Variants in ADGRL2 observed in about 807,000 individuals in gnomAD.
ADGRL2 encodes the protein adhesion G protein-coupled receptor L2.
In ADGRL2, 44 loss-of-function variants were observed where a neutral mutation model predicts 157.4. The observed-to-expected ratio is 0.28, with a 90% CI of 0.22 to 0.36. The LOEUF (loss-of-function observed/expected upper bound fraction) is 0.36. Ranked by LOEUF, ADGRL2 falls within the 10% of genes least tolerant of loss-of-function variation. The pLI, the probability that ADGRL2 is intolerant of heterozygous loss-of-function variation, is 1.00. For synonymous variants in ADGRL2, 585 were observed against 624.7 expected (o/e 0.94, Z 0.95); for missense variants, 1,510 against 1,768.9 (o/e 0.85, Z 2.63).
chr1:81,452,542 G>T (rs1571005604), intron 2 of ADGRL2, among the ~76,000 whole-genome samples: 1 of 152,132 alleles, frequency 6.6e-6, no homozygotes, highest in Non-Finnish European at 1.5e-5. Flanking sequence ...AAGCAAGCAG[G>T]ACTACTGACT....
At chr1:81,424,885 C>T (rs377579056) in intron 1 of ADGRL2, among the ~76,000 whole-genome samples, 49 of 152,294 alleles carry the variant, frequency 3.2e-4, no homozygotes, top group East Asian at 2.5e-3. Context: ...TTGGTTTCTT[C>T]GTGGGAGCAA....
At chr1:81,750,202 G>A (rs1049912654) in intron 1 of ADGRL2, among the ~76,000 whole-genome samples, 2 of 152,170 alleles carry the variant, frequency 1.3e-5, no homozygotes, top group African/African-American at 4.8e-5. Context: ...GCTGGGACAA[G>A]TAAGGTGGAA....
intron 1 of ADGRL2, among the ~76,000 whole-genome samples, chr1:81,386,531 C>T (rs543437453): frequency 1.7e-4 from 26 of 152,094 alleles, no homozygotes; most frequent in South Asian, 1.4e-3. Flanking sequence ...TCTAGAAGCA[C>T]GCATTGCCTT....
At chr1:81,330,364 A>G (rs1661189438) in intron 1 of ADGRL2, among the ~76,000 whole-genome samples, 1 of 152,154 alleles carries the variant, frequency 6.6e-6, no homozygotes, top group Non-Finnish European at 1.5e-5. Flanking sequence ...GTCATATCTG[A>G]TTAAAGAAAA....
Position 81,344,213 on chromosome 1 carries a change from C to T in ADGRL2, c.-302+37704C>T, listed in dbSNP as rs1055512978. 1.1e-4 allele frequency among the ~76,000 whole-genome samples: 16 copies of T among 152,222 alleles called. 1 individual carries two copies. The East Asian group carries it at 1.7e-3, about 17-fold the overall frequency. On this transcript the variant is annotated intron_variant, in intron 1 of 24. Coordinates refer to the ADGRL2 transcript ENST00000370721. ...CCTCCCAAATAGCTTGGATTACAGG[C>T]GCAACGTCACCACGCCCTAATTCGA...
intron 1 of ADGRL2, among the ~76,000 whole-genome samples, chr1:81,832,829 T>C (rs2092041184): frequency 6.6e-6 from 1 of 152,184 alleles, no homozygotes; most frequent in Non-Finnish European, 1.5e-5. Flanking sequence ...AAGGGTTTGC[T>C]TAGCTGACTT....
At chr1:81,549,200 T>TGAAG (rs2080087785) in intron 2 of ADGRL2, among the ~76,000 whole-genome samples, 4 of 152,332 alleles carry the variant, frequency 2.6e-5, no homozygotes, top group African/African-American at 7.2e-5. Context: ...ATCCATCAGT[T>TGAAG]ACCTACTGAA....
At chr1:81,731,204 T>G (rs2084712400) in intron 1 of ADGRL2, among the ~76,000 whole-genome samples, 1 of 152,222 alleles carries the variant, frequency 6.6e-6, no homozygotes, top group Non-Finnish European at 1.5e-5. Flanking sequence ...GTTTAATACA[T>G]TCTTAGAACA....
intron 2 of ADGRL2, among the ~76,000 whole-genome samples, chr1:81,553,647 C>CA (rs1171747271): frequency 2.0e-5 from 3 of 151,930 alleles, no homozygotes; most frequent in South Asian, 4.1e-4. Context: ...TTCTTTCAGC[C>CA]AAAAAAAGAC....
intron 1 of ADGRL2, chr1:81,723,034 T>G: frequency 1.3e-6 from 1 of 765,452 alleles, no homozygotes; most frequent in Non-Finnish European, 2.4e-6. Context: ...TTATGAATCT[T>G]ATCAGTAAAT....
chr1:81,426,619 T>C, intron 1 of ADGRL2: 2 of 477,040 alleles, frequency 4.2e-6, no homozygotes, highest in Admixed American at 4.5e-5. Flanking sequence ...AGAGAACATT[T>C]GGAAAAATGG....
At chr1:81,461,943 TG>T (rs2077940782) in intron 2 of ADGRL2, among the ~76,000 whole-genome samples, 1 of 59,060 alleles carries the variant, frequency 1.7e-5, no homozygotes, top group African/African-American at 6.9e-5. Context: ...GGGGGGGGGG[TG>T]GTGGAGAAAG....
intron 1 of ADGRL2, among the ~76,000 whole-genome samples, chr1:81,833,791 G>A (rs1395774574): frequency 6.6e-6 from 1 of 152,098 alleles, no homozygotes; most frequent in Non-Finnish European, 1.5e-5. Context: ...AAACGTTGAG[G>A]GCTGTTGGGA....
intron 1 of ADGRL2, among the ~76,000 whole-genome samples, chr1:81,718,088 C>T (rs1350681202): frequency 2.6e-5 from 4 of 152,136 alleles, no homozygotes; most frequent in South Asian, 2.1e-4. Flanking sequence ...GGTGCCATCT[C>T]GGCTCACTCC....
chr1:81,828,920 A>AT lies in ADGRL2; in HGVS notation c.-100-7957dup, dbSNP rs1033352363. ...AAATCTCCTCATATTTTTTTTTTTCATTTTTTTTGGGACGAAGTCTTGCTC... is the reference window on the plus strand; with the variant it reads ...AAATCTCCTCATATTTTTTTTTTTCATTTTTTTTTGGGACGAAGTCTTGCTC... On this transcript the variant is annotated intron_variant, in intron 1 of 23. Coordinates refer to ENST00000686636, the MANE Select transcript of ADGRL2 (RefSeq NM_001366006.2). Among the ~76,000 whole-genome samples the AT allele has an allele frequency of 1.8e-4, 25 of 141,398 alleles. No homozygotes were observed. In the South Asian group the frequency reaches 4.1e-3, roughly 23 times the overall value. 92.8% of individuals were successfully genotyped at this position (141,398 alleles called of 152,430 possible).
rs566300569 is a variant in ADGRL2, at chr1:81,528,795, T to C, written c.-247-52081T>C. 2.0e-5 allele frequency among the ~76,000 whole-genome samples: 3 copies of C among 152,232 alleles called. No individual in the cohort carries two copies. In the South Asian group the frequency reaches 6.2e-4, roughly 32 times the overall value. On this transcript the variant is annotated intron_variant, in intron 2 of 24. Transcript: ENST00000370721. ...AGGATTAAAGTAAATAAGTGGTTCA[T>C]TGTTGGCTGATGCAGAGGGAAAACC...
At chr1:81,987,147 C>A (rs916913377) in intron 22 of ADGRL2, 118 bp downstream of exon 22, 3 of 1,386,740 alleles carry the variant, frequency 2.2e-6, no homozygotes, top group Admixed American at 2.5e-5. Context: ...CTTAATTTCT[C>A]AGTTAAAAAA....
rs540260784 is a variant in ADGRL2, at chr1:81,684,963, T to C, written c.-142-76848T>C. 8.5e-5 allele frequency among the ~76,000 whole-genome samples: 13 copies of C among 152,306 alleles called. No homozygotes were observed. The South Asian group carries it at 2.3e-3, about 27-fold the overall frequency. ...TTGGCTGTAAGTATTTGGGTTTATT[T>C]CTGAGTTTCTATTTTGTTCCATTGG... On this transcript the variant is annotated intron_variant, in intron 3 of 24. Coordinates refer to the ADGRL2 transcript ENST00000370721.
At chr1:81,498,493 C>T (rs550540331) in intron 2 of ADGRL2, among the ~76,000 whole-genome samples, 1 of 152,202 alleles carries the variant, frequency 6.6e-6, no homozygotes, top group Non-Finnish European at 1.5e-5. Context: ...GTCAAGTGCC[C>T]ACCACAATTT....
Sources: gnomAD v4.1 joint callset for allele counts (sites outside exome capture counted in the v4.1 genomes callset) on GRCh38, gnomAD v4.1.1 for gene constraint, MANE v1.5 for transcripts, NCBI Gene and HGNC (gene_info 2026-07-23, HGNC 2026-07-21) for gene names.